Variants in PAX5 observed in about 807,000 individuals in gnomAD.
The protein encoded by PAX5 is paired box 5, also known as paired box protein Pax-5.
In PAX5, 9 loss-of-function variants were observed where a neutral mutation model predicts 43.7. The observed-to-expected ratio is 0.21, with a 90% CI of 0.12 to 0.36. The LOEUF is 0.36. Ranked by LOEUF, PAX5 falls within the 10% of genes least tolerant of loss-of-function variation. The probability of loss-of-function intolerance (pLI) is 1.00; values close to 1 mark genes in which losing one functional copy is unlikely to be tolerated. For synonymous variants in PAX5, 228 were observed against 214.3 expected (o/e 1.06, Z -0.56); for missense variants, 383 against 532.7 (o/e 0.72, Z 2.77).
At chr9:36,899,185 A>G (rs915216762) in intron 7 of PAX5, among the ~76,000 whole-genome samples, 4 of 152,216 alleles carry the variant, frequency 2.6e-5, no homozygotes, top group Admixed American at 1.3e-4. Context: ...CGCCAGGCAA[A>G]TGCCACCAAT....
chr9:36,876,212 C>T (rs1377236764), intron 8 of PAX5, among the ~76,000 whole-genome samples: 1 of 152,248 alleles, frequency 6.6e-6, no homozygotes, highest in Admixed American at 6.5e-5. Flanking sequence ...CCCACCTCTC[C>T]TCTGGCCTCA....
At chr9:36,951,422 AT>A (rs1832998730) in intron 6 of PAX5, among the ~76,000 whole-genome samples, 1 of 152,154 alleles carries the variant, frequency 6.6e-6, no homozygotes, top group Non-Finnish European at 1.5e-5. Flanking sequence ...CAGGTTCAGG[AT>A]TGTTATATTT....
chr9:36,956,621 T>G (rs1056679907), intron 6 of PAX5, among the ~76,000 whole-genome samples: 1 of 152,204 alleles, frequency 6.6e-6, no homozygotes, highest in African/African-American at 2.4e-5. Context: ...GAACGATTTT[T>G]ACTGGGGAGC....
chr9:37,025,006 T>C (rs991336026), intron 1 of PAX5, among the ~76,000 whole-genome samples: 25 of 152,190 alleles, frequency 1.6e-4, no homozygotes, highest in Non-Finnish European at 3.5e-4. Flanking sequence ...CTGGTTTGTT[T>C]TGGGCTTACA....
At chr9:36,965,278 G>A (rs1288014995) in intron 6 of PAX5, among the ~76,000 whole-genome samples, 1 of 152,162 alleles carries the variant, frequency 6.6e-6, no homozygotes, top group Non-Finnish European at 1.5e-5. Context: ...CTCCCTGAGG[G>A]GAGGTCCAAG....
At chr9:36,911,009 G>A (rs941951172) in intron 7 of PAX5, among the ~76,000 whole-genome samples, 10 of 152,020 alleles carry the variant, frequency 6.6e-5, no homozygotes, top group Admixed American at 2.6e-4. Context: ...GCCTTTCCCC[G>A]AGCTCCCCAC....
intron 6 of PAX5, among the ~76,000 whole-genome samples, chr9:36,933,401 C>T (rs561953698): frequency 2.3e-4 from 35 of 152,288 alleles, no homozygotes; most frequent in African/African-American, 6.7e-4. Context: ...GTTCCAAACA[C>T]AAGAAGTCTA....
At chr9:37,031,446 T>C (rs1194071802) in intron 1 of PAX5, among the ~76,000 whole-genome samples, 1 of 152,120 alleles carries the variant, frequency 6.6e-6, no homozygotes, top group East Asian at 1.9e-4. Context: ...CAATGCCCAG[T>C]GGGAAAGTAC....
chr9:36,894,126 C>T (rs75934648), intron 7 of PAX5, among the ~76,000 whole-genome samples: 7,391 of 152,222 alleles, frequency 0.049, 205 homozygotes, highest in East Asian at 0.066. Context: ...CCAAACTGGC[C>T]GGTGAACATG....
rs1345123908 is a variant in PAX5 at position 36,882,456 on chromosome 9, C to A, written c.911-351G>T. On this transcript the variant is annotated intron_variant, in intron 7 of 9. Coordinates refer to ENST00000358127, the MANE Select transcript of PAX5 (RefSeq NM_016734.3). This position sits in a 1 kb window ranked among gnomAD's most constrained non-coding sequence, Gnocchi z 4.4. The stretch of plus-strand genomic sequence containing the variant: ...GCCAGCTCTCCCTACTCTCTACTCC[C>A]CAAGAATGGCTGGGACCTCTCCATC... Among the ~76,000 whole-genome samples the A allele has an allele frequency of 6.6e-6, 1 of 152,152 alleles. No homozygotes were observed. The highest frequency in any genetic ancestry group is 1.9e-4 in the East Asian group (1 of 5,192).
At chr9:37,028,838 A>T (rs1003698065) in intron 1 of PAX5, among the ~76,000 whole-genome samples, 3 of 151,840 alleles carry the variant, frequency 2.0e-5, no homozygotes, top group Non-Finnish European at 4.4e-5. Flanking sequence ...CTATGTAGAC[A>T]AAATGGATGG....
chr9:37,024,863 G>A (rs1344443941), intron 1 of PAX5, among the ~76,000 whole-genome samples: 1 of 152,232 alleles, frequency 6.6e-6, no homozygotes, highest in Non-Finnish European at 1.5e-5. Context: ...GCGCTGGGCG[G>A]AAGGACACAG....
intron 7 of PAX5, among the ~76,000 whole-genome samples, chr9:36,898,695 A>G (rs1274384703): frequency 1.3e-5 from 2 of 152,182 alleles, no homozygotes; most frequent in African/African-American, 2.4e-5. Context: ...CCGCTCTCCG[A>G]ACACCAGCAG....
intron 1 of PAX5, among the ~76,000 whole-genome samples, chr9:37,025,323 C>G: frequency 6.6e-6 from 1 of 152,286 alleles, no homozygotes; most frequent in African/African-American, 2.4e-5. Context: ...CACGGACATG[C>G]TCGCCCCGGG....
intron 1 of PAX5, among the ~76,000 whole-genome samples, chr9:37,027,553 C>T (rs1293322256): frequency 2.6e-5 from 4 of 152,362 alleles, no homozygotes; most frequent in African/African-American, 9.6e-5. Flanking sequence ...ACCAAGGCCG[C>T]CGGGGCTGCC....
chr9:36,966,264 A>T (rs997731854), intron 6 of PAX5, among the ~76,000 whole-genome samples: 2 of 152,174 alleles, frequency 1.3e-5, no homozygotes, highest in African/African-American at 4.8e-5. Flanking sequence ...CTTCTGTCCA[A>T]AGAGCCCTTG....
intron 3 of PAX5, chr9:37,007,534 A>G (rs1838528524): frequency 6.6e-6 from 1 of 152,230 alleles, no homozygotes; most frequent in African/African-American, 2.4e-5. Context: ...TGAGAGCAGC[A>G]GAACAGGGCC....
In PAX5 at chr9:36,986,216, G is replaced by C. The variant is rs1049914370; in HGVS notation, c.604+16432C>G. 6.6e-5 allele frequency among the ~76,000 whole-genome samples: 10 copies of C among 151,494 alleles called. No individual in the cohort carries two copies. The East Asian group carries it at 2.0e-3, about 30-fold the overall frequency. ...CATAACAAACTCAATTGTTCTCAGC[G>C]GGGCCCCGGCAAATAAAGTCATTCA... On this transcript the variant is annotated intron_variant, in intron 5 of 9. Coordinates refer to ENST00000358127, the MANE Select transcript of PAX5 (RefSeq NM_016734.3).
At chr9:36,996,325 G>T (rs1355286032) in intron 5 of PAX5, among the ~76,000 whole-genome samples, 1 of 152,260 alleles carries the variant, frequency 6.6e-6, no homozygotes, top group Non-Finnish European at 1.5e-5. Context: ...CACAAGGCTT[G>T]CGTCAACTCT....
Sources: gnomAD v4.1 joint callset for allele counts (sites outside exome capture counted in the v4.1 genomes callset) on GRCh38, gnomAD v4.1.1 for gene constraint, Gnocchi (gnomAD v3.1) non-coding constraint, MANE v1.5 for transcripts, NCBI Gene and HGNC (gene_info 2026-07-23, HGNC 2026-07-21) for gene names.